KYNU: variants seen among roughly 807,000 people sequenced by gnomAD.
KYNU encodes L-kynurenine hydrolase.
In KYNU, 54 loss-of-function variants were observed where a neutral mutation model predicts 59.2. The observed-to-expected ratio is 0.91, with a 90% CI of 0.73 to 1.14. The LOEUF (loss-of-function observed/expected upper bound fraction) is 1.14. KYNU is among the 50% of genes most tolerant of loss of function. The pLI, the probability that KYNU is intolerant of heterozygous loss-of-function variation, is 0.00. For missense variants in KYNU, 567 were observed against 554.4 expected (o/e 1.02, Z -0.23); for synonymous variants, 177 against 192.0 (o/e 0.92, Z 0.65).
chr2:142,983,785 A>G (rs998610675), intron 8 of KYNU, among the ~76,000 whole-genome samples: 5 of 152,104 alleles, frequency 3.3e-5, no homozygotes, highest in Non-Finnish European at 7.4e-5. Flanking sequence ...ACATATTAAC[A>G]TAAGCAAAAT....
intron 1 of KYNU, among the ~76,000 whole-genome samples, chr2:142,883,979 C>G (rs1012749058): frequency 2.0e-5 from 3 of 152,152 alleles, no homozygotes. Context: ...GTAAATCTAA[C>G]TAGCCCAAAG....
chr2:142,988,683 G>A (rs1333582423), intron 10 of KYNU, among the ~76,000 whole-genome samples: 1 of 151,900 alleles, frequency 6.6e-6, no homozygotes. Flanking sequence ...ACTCATGAAG[G>A]CCACGTTAAG....
chr2:142,936,188 G>T (rs1683385217), intron 4 of KYNU, among the ~76,000 whole-genome samples: 1 of 152,146 alleles, frequency 6.6e-6, no homozygotes, highest in South Asian at 2.1e-4. Context: ...TAGAGGTCGG[G>T]CTGTGATCTG....
At position 143,042,497 on chromosome 2, in the gene KYNU, TA is replaced by T. The variant is rs368028623; in HGVS notation, c.*327del. The T allele has an allele frequency of 2.6e-3, 532 of 208,558 alleles. 20 individuals carry two copies. In the South Asian group the frequency reaches 0.038, roughly 15 times the overall value. 12.9% of individuals were successfully genotyped at this position (208,558 alleles called of 1,614,324 possible). A position where few individuals can be genotyped will look rare whatever the true frequency, so the allele number is the denominator to read the frequency against. ...ATTTCTGATTTAACTGACAACTTCATAATGTATGTGCAATTATTGTGTCAAA... is the reference window on the plus strand; with the variant it reads ...ATTTCTGATTTAACTGACAACTTCATATGTATGTGCAATTATTGTGTCAAA... On this transcript the variant is annotated 3_prime_UTR_variant, in exon 14 of 14. Transcript: ENST00000264170.
chr2:142,969,386 TG>T (rs1237799164), intron 8 of KYNU, among the ~76,000 whole-genome samples: 3 of 152,204 alleles, frequency 2.0e-5, no homozygotes, highest in African/African-American at 7.2e-5. Context: ...ATTAGCTAAT[TG>T]GTCTTTACTC....
At chr2:142,933,546 G>C (rs1683293804) in intron 4 of KYNU, among the ~76,000 whole-genome samples, 1 of 152,156 alleles carries the variant, frequency 6.6e-6, no homozygotes, top group Non-Finnish European at 1.5e-5. Context: ...TTGGAGGAGA[G>C]ATATGCAGTC....
intron 10 of KYNU, among the ~76,000 whole-genome samples, chr2:142,991,498 C>A (rs1375672191): frequency 6.6e-6 from 1 of 151,776 alleles, no homozygotes; most frequent in Non-Finnish European, 1.5e-5. Flanking sequence ...GTCACCTGTT[C>A]TGCTTGTTTA....
chr2:142,978,562 A>G (rs1286010241), intron 8 of KYNU, among the ~76,000 whole-genome samples: 2 of 152,172 alleles, frequency 1.3e-5, no homozygotes, highest in African/African-American at 4.8e-5. Flanking sequence ...TGGCAAAGGC[A>G]TTGTCTCATC....
intron 1 of KYNU, among the ~76,000 whole-genome samples, chr2:142,883,186 C>CTTTTTTTTT (rs70997528): frequency 2.8e-5 from 2 of 72,034 alleles, no homozygotes; most frequent in East Asian, 4.4e-4. Flanking sequence ...TCCCAAATTT[C>CTTTTTTTTT]TTTTTTTTTT....
intron 11 of KYNU, among the ~76,000 whole-genome samples, chr2:143,031,654 G>C (rs954193638): frequency 2.6e-5 from 4 of 152,098 alleles, no homozygotes; most frequent in Non-Finnish European, 5.9e-5. Flanking sequence ...AGCCCGGGGA[G>C]GTCAAGGCTG....
intron 4 of KYNU, among the ~76,000 whole-genome samples, chr2:142,944,400 C>T (rs1361885982): frequency 6.6e-6 from 1 of 152,086 alleles, no homozygotes; most frequent in Non-Finnish European, 1.5e-5. Flanking sequence ...AATAAATAAA[C>T]AAGGAATAAA....
chr2:143,003,289 G>A (rs1466295292), intron 10 of KYNU, among the ~76,000 whole-genome samples: 2 of 152,052 alleles, frequency 1.3e-5, no homozygotes, highest in Non-Finnish European at 2.9e-5. Flanking sequence ...TACAGCTGGG[G>A]GGGGTGGCTC....
chr2:142,953,771 A>G (rs1383460950), intron 4 of KYNU, among the ~76,000 whole-genome samples: 2 of 152,232 alleles, frequency 1.3e-5, no homozygotes, highest in African/African-American at 4.8e-5. Context: ...TGCAACAAGA[A>G]GTTTTCCTTG....
At chr2:142,891,490 C>T (rs968743726) in intron 2 of KYNU, among the ~76,000 whole-genome samples, 11 of 152,162 alleles carry the variant, frequency 7.2e-5, no homozygotes, top group Non-Finnish European at 1.6e-4. Flanking sequence ...TGACACCCAA[C>T]TTTAGTAGAC....
chr2:142,906,358 G>T (rs745378454), intron 2 of KYNU, among the ~76,000 whole-genome samples: 1 of 152,176 alleles, frequency 6.6e-6, no homozygotes. Context: ...GTGGTGGGTC[G>T]GGGGATGCTG....
intron 1 of KYNU, among the ~76,000 whole-genome samples, chr2:142,878,286 CT>C (rs1400317913): frequency 6.6e-6 from 1 of 151,658 alleles, no homozygotes; most frequent in African/African-American, 2.4e-5. Context: ...TTCCTTTCTG[CT>C]TTTATTTTGA....
intron 4 of KYNU, among the ~76,000 whole-genome samples, chr2:142,938,557 C>T (rs887938042): frequency 6.6e-6 from 1 of 152,162 alleles, no homozygotes; most frequent in Non-Finnish European, 1.5e-5. Context: ...AGCACTGGAG[C>T]AGGTTACAGT....
chr2:142,957,107 G>A (rs1269072386), intron 6 of KYNU, among the ~76,000 whole-genome samples: 2 of 151,794 alleles, frequency 1.3e-5, no homozygotes, highest in Admixed American at 1.3e-4. Context: ...TAATTTTAGG[G>A]CAAGTAATTA....
intron 8 of KYNU, among the ~76,000 whole-genome samples, chr2:142,968,953 G>C (rs928850694): frequency 6.6e-6 from 1 of 151,984 alleles, no homozygotes; most frequent in East Asian, 1.9e-4. Context: ...CTGTCATTAT[G>C]ATACAGTTCA....
Sources: gnomAD v4.1 joint callset for allele counts (sites outside exome capture counted in the v4.1 genomes callset) on GRCh38, gnomAD v4.1.1 for gene constraint, MANE v1.5 for transcripts, NCBI Gene and HGNC (gene_info 2026-07-23, HGNC 2026-07-21) for gene names.